Variants in CDH12 observed in about 807,000 individuals in gnomAD.
CDH12 encodes cadherin-12.
CDH12 carries 41 observed loss-of-function variants against 74.1 expected under a neutral mutation model. The observed-to-expected ratio is 0.55, with a 90% confidence interval of 0.43 to 0.72. The LOEUF is 0.72. Ranked by LOEUF, CDH12 falls within the 30% of genes least tolerant of loss-of-function variation. The pLI is 0.00. For synonymous variants in CDH12, 399 were observed against 355.0 expected, an observed-to-expected ratio of 1.12 and a Z score of -1.39; for missense variants, 945 against 977.2, an observed-to-expected ratio of 0.97 and a Z score of 0.44.
intron 1 of CDH12, among the ~76,000 whole-genome samples, chr5:22,680,161 C>T (rs879824210): frequency 2.0e-5 from 3 of 152,038 alleles, no homozygotes; most frequent in Non-Finnish European, 2.9e-5. Flanking sequence ...GGCTTGGCTT[C>T]TGGAGTTGGA....
chr5:22,451,631 C>T (rs1315606998), intron 2 of CDH12, among the ~76,000 whole-genome samples: 9 of 151,852 alleles, frequency 5.9e-5, no homozygotes, highest in Admixed American at 5.3e-4. Context: ...AAAAGTTGAA[C>T]GTTTTTCTAT....
rs1561270956 is a variant in CDH12 at position 22,270,603 on chromosome 5, A to AT, written c.-332-57961_-332-57960insA. ...GGGTGAGACACCGTCTCAAAAAAAA[A>AT]AATATATATATATATATGTATACAC... On this transcript the variant is annotated intron_variant, in intron 3 of 14. Coordinates refer to ENST00000382254, the MANE Select transcript of CDH12 (RefSeq NM_004061.5). 3.3e-3 allele frequency among the ~76,000 whole-genome samples: 423 copies of AT among 126,980 alleles called. 2 individuals carry two copies. The highest frequency in any genetic ancestry group is 0.011 in the African/African-American group (376 of 34,698). 83.3% of individuals were successfully genotyped at this position (126,980 alleles called of 152,430 possible).
chr5:22,844,668 ACT>A (rs925121843), intron 1 of CDH12, among the ~76,000 whole-genome samples: 16 of 152,040 alleles, frequency 1.1e-4, no homozygotes, highest in African/African-American at 3.4e-4. Context: ...AAAAGAAAAG[ACT>A]CTGTAGAGAG....
At chr5:22,294,839 G>T (rs1435599122) in intron 3 of CDH12, among the ~76,000 whole-genome samples, 1 of 152,158 alleles carries the variant, frequency 6.6e-6, no homozygotes, top group Non-Finnish European at 1.5e-5. Flanking sequence ...CTATTTATCT[G>T]CTTCTTTGAG....
At chr5:21,788,207 A>G (rs1746300447) in intron 10 of CDH12, among the ~76,000 whole-genome samples, 1 of 152,188 alleles carries the variant, frequency 6.6e-6, no homozygotes, top group Non-Finnish European at 1.5e-5. Flanking sequence ...AGGAGTGCCA[A>G]GAAAACACAT....
intron 1 of CDH12, among the ~76,000 whole-genome samples, chr5:22,548,960 G>A (rs777061287): frequency 6.6e-6 from 1 of 151,796 alleles, no homozygotes; most frequent in Non-Finnish European, 1.5e-5. Flanking sequence ...TTTTTTAAGT[G>A]ACAGGGTCTC....
At chr5:22,591,484 T>A (rs568383656) in intron 1 of CDH12, among the ~76,000 whole-genome samples, 4 of 152,340 alleles carry the variant, frequency 2.6e-5, no homozygotes, top group African/African-American at 9.6e-5. Flanking sequence ...GCTGTGAATA[T>A]GTAGTTGAAA....
chr5:21,933,669 A>G (rs111917299), intron 6 of CDH12, among the ~76,000 whole-genome samples: 2 of 152,218 alleles, frequency 1.3e-5, no homozygotes, highest in Admixed American at 6.5e-5. Flanking sequence ...AAATTTGTCA[A>G]CTGAGAAATG....
chr5:22,202,944 C>A (rs1393978334), intron 4 of CDH12, among the ~76,000 whole-genome samples: 1 of 152,008 alleles, frequency 6.6e-6, no homozygotes, highest in Non-Finnish European at 1.5e-5. Flanking sequence ...TTTCATGTGT[C>A]TTTTTAAATT....
intron 1 of CDH12, among the ~76,000 whole-genome samples, chr5:22,783,951 C>G (rs1747505636): frequency 6.6e-6 from 1 of 152,046 alleles, no homozygotes; most frequent in African/African-American, 2.4e-5. Flanking sequence ...TAAATCTCTC[C>G]AAATGATTTT....
chr5:21,783,874 A>G (rs1746055460), intron 10 of CDH12, among the ~76,000 whole-genome samples: 1 of 152,190 alleles, frequency 6.6e-6, no homozygotes, highest in Non-Finnish European at 1.5e-5. Flanking sequence ...CACTGGAAAC[A>G]ACTACAAAGA....
intron 2 of CDH12, among the ~76,000 whole-genome samples, chr5:22,414,630 T>G (rs1743304575): frequency 6.6e-6 from 1 of 151,860 alleles, no homozygotes; most frequent in Non-Finnish European, 1.5e-5. Context: ...TTCAGGTAAT[T>G]TATATATTTA....
At chr5:21,771,037 T>C (rs1745297038) in intron 11 of CDH12, among the ~76,000 whole-genome samples, 1 of 152,036 alleles carries the variant, frequency 6.6e-6, no homozygotes, top group African/African-American at 2.4e-5. Flanking sequence ...AAAGAAGGGA[T>C]AATAGACATC....
chr5:22,110,197 A>G (rs369354859), intron 4 of CDH12, among the ~76,000 whole-genome samples: 112 of 152,258 alleles, frequency 7.4e-4, no homozygotes, highest in African/African-American at 2.6e-3. Context: ...CACCAGCATA[A>G]ACATCTTGCA....
intron 4 of CDH12, among the ~76,000 whole-genome samples, chr5:22,148,140 A>T (rs1747328242): frequency 6.6e-6 from 1 of 152,124 alleles, no homozygotes. Flanking sequence ...TAAGTACTTA[A>T]AGACTTTTTT....
At chr5:22,501,095 G>T (rs1340596001) in intron 2 of CDH12, among the ~76,000 whole-genome samples, 1 of 151,836 alleles carries the variant, frequency 6.6e-6, no homozygotes, top group Non-Finnish European at 1.5e-5. Context: ...AAAAAAAAAA[G>T]ATCCTCTATT....
chr5:22,178,376 T>G (rs772676877), intron 4 of CDH12, among the ~76,000 whole-genome samples: 15 of 152,184 alleles, frequency 9.9e-5, no homozygotes, highest in Non-Finnish European at 2.2e-4. Context: ...CTCAAAATTA[T>G]AAATACCTAT....
chr5:22,399,190 GTATCTATCTATCTATCTATC>G (rs3039455), intron 3 of CDH12, among the ~76,000 whole-genome samples: 2 of 148,176 alleles, frequency 1.3e-5, no homozygotes, highest in Non-Finnish European at 3.0e-5. Flanking sequence ...AATCTACCCA[GTATCTATCTATCTATCTATC>G]TATCTATCTA....
chr5:22,836,223 CTTTT>C (rs61616737), intron 1 of CDH12, among the ~76,000 whole-genome samples: 1 of 65,506 alleles, frequency 1.5e-5, no homozygotes, highest in Non-Finnish European at 2.6e-5. Context: ...CTTTCTTTCT[CTTTT>C]TTTTTTTTTT....
Sources: gnomAD v4.1 joint callset for allele counts (sites outside exome capture counted in the v4.1 genomes callset) on GRCh38, gnomAD v4.1.1 for gene constraint, MANE v1.5 for transcripts, NCBI Gene and HGNC (gene_info 2026-07-23, HGNC 2026-07-21) for gene names.